The following CTNNA3 variants were observed in gnomAD, a reference collection of about 807,000 sequenced individuals.
CTNNA3 encodes the protein catenin alpha-3.
A neutral mutation model predicts 95.7 loss-of-function variants in CTNNA3; 76 were observed. The ratio of observed to expected loss-of-function variants is 0.79; its 90% CI spans 0.66 to 0.96. The LOEUF (loss-of-function observed/expected upper bound fraction) is 0.96. Ranked by LOEUF, CTNNA3 falls within the 40% of genes least tolerant of loss-of-function variation. The pLI is 0.00. For missense variants in CTNNA3, 1,191 were observed against 1,089.8 expected (o/e 1.09, Z -1.31); for synonymous variants, 431 against 374.4 (o/e 1.15, Z -1.74).
chr10:66,221,918 T>C (rs1271503037), intron 13 of CTNNA3, among the ~76,000 whole-genome samples: 10 of 152,182 alleles, frequency 6.6e-5, no homozygotes, highest in South Asian at 4.1e-4. Context: ...TTGAGTTGCA[T>C]TTTGGGATTT....
chr10:66,050,562 G>C (rs2079928960), intron 15 of CTNNA3, among the ~76,000 whole-genome samples: 1 of 152,006 alleles, frequency 6.6e-6, no homozygotes, highest in Non-Finnish European at 1.5e-5. Context: ...CTCTTCACTA[G>C]CTGGGACGAC....
At chr10:67,700,683 G>A (rs893269625), upstream of CTNNA3, among the ~76,000 whole-genome samples, 7 of 152,134 alleles carry the variant, frequency 4.6e-5, no homozygotes, top group Non-Finnish European at 8.8e-5. Context: ...GGAAAAAACA[G>A]AGCAGAAAAA....
chr10:66,356,805 T>C (rs2092614546), intron 12 of CTNNA3, among the ~76,000 whole-genome samples: 1 of 152,086 alleles, frequency 6.6e-6, no homozygotes, highest in African/African-American at 2.4e-5. Flanking sequence ...GTATAGAGAA[T>C]TTTTATTATG....
At chr10:66,822,653 G>A (rs1401914008) in intron 7 of CTNNA3, among the ~76,000 whole-genome samples, 1 of 152,136 alleles carries the variant, frequency 6.6e-6, no homozygotes, top group South Asian at 2.1e-4. Flanking sequence ...ACTATTATCA[G>A]TCTTCACTAT....
At chr10:66,486,378 A>T (rs1285230074) in intron 11 of CTNNA3, among the ~76,000 whole-genome samples, 1 of 152,138 alleles carries the variant, frequency 6.6e-6, no homozygotes, top group Admixed American at 6.5e-5. Flanking sequence ...ACAATTTTTA[A>T]AATGTACAAA....
At chr10:67,692,735 A>AT (rs1266690939) in intron 1 of CTNNA3, among the ~76,000 whole-genome samples, 26 of 134,518 alleles carry the variant, frequency 1.9e-4, no homozygotes, top group African/African-American at 6.0e-4. Context: ...AGAATGATCA[A>AT]TAAAAAAAAA....
At chr10:66,354,802 T>C (rs1003548815) in intron 12 of CTNNA3, among the ~76,000 whole-genome samples, 6 of 152,046 alleles carry the variant, frequency 3.9e-5, no homozygotes, top group Admixed American at 1.3e-4. Context: ...GAATACATAC[T>C]TTGTACATCA....
At chr10:66,722,975 T>C (rs1848675258) in intron 9 of CTNNA3, among the ~76,000 whole-genome samples, 1 of 152,120 alleles carries the variant, frequency 6.6e-6, no homozygotes, top group Non-Finnish European at 1.5e-5. Context: ...CCTTTTCTGC[T>C]CTATCATTCA....
chr10:66,512,798 CT>C (rs750701832), intron 11 of CTNNA3, among the ~76,000 whole-genome samples: 1 of 151,760 alleles, frequency 6.6e-6, no homozygotes, highest in Non-Finnish European at 1.5e-5. Flanking sequence ...AAAGTTTTTT[CT>C]TTTTTTTATT....
intron 5 of CTNNA3, among the ~76,000 whole-genome samples, chr10:67,397,646 C>T (rs1205513571): frequency 6.6e-6 from 1 of 152,216 alleles, no homozygotes; most frequent in Non-Finnish European, 1.5e-5. Flanking sequence ...AAGACAATGG[C>T]TAAAATGTCT....
chr10:66,745,172 T>C (rs983209994), intron 9 of CTNNA3, among the ~76,000 whole-genome samples: 1 of 152,206 alleles, frequency 6.6e-6, no homozygotes, highest in African/African-American at 2.4e-5. Context: ...CTCTTTACAC[T>C]GCATCATGTT....
intron 15 of CTNNA3, among the ~76,000 whole-genome samples, chr10:66,002,392 A>T (rs1305221991): frequency 6.6e-6 from 1 of 152,190 alleles, no homozygotes; most frequent in Non-Finnish European, 1.5e-5. Context: ...TATCCTGAAG[A>T]ACTTTTGGGA....
intron 15 of CTNNA3, among the ~76,000 whole-genome samples, chr10:66,055,490 C>T (rs2080062808): frequency 6.6e-6 from 1 of 151,896 alleles, no homozygotes; most frequent in Non-Finnish European, 1.5e-5. Flanking sequence ...AATGGGATTA[C>T]TTTCTTGGTT....
intron 5 of CTNNA3, among the ~76,000 whole-genome samples, chr10:67,263,779 T>C (rs1452745049): frequency 1.3e-5 from 2 of 152,130 alleles, no homozygotes; most frequent in Non-Finnish European, 2.9e-5. Context: ...GGACCAAGGG[T>C]AATGAGAATT....
intron 12 of CTNNA3, among the ~76,000 whole-genome samples, chr10:66,322,299 A>G (rs1431091732): frequency 2.0e-5 from 3 of 152,150 alleles, no homozygotes. Context: ...GCACTGGAAA[A>G]CAGACACTAA....
chr10:67,165,465 C>T (rs1861726059), intron 7 of CTNNA3, among the ~76,000 whole-genome samples: 1 of 152,042 alleles, frequency 6.6e-6, no homozygotes, highest in East Asian at 1.9e-4. Context: ...TTGGTGATTA[C>T]ACAAACCCAT....
chr10:66,536,306 A>C (rs1273643988), intron 10 of CTNNA3, among the ~76,000 whole-genome samples: 1 of 151,914 alleles, frequency 6.6e-6, no homozygotes, highest in Admixed American at 6.6e-5. Flanking sequence ...ACATGGCGAA[A>C]CTCCATCTAT....
At chr10:66,686,226 G>T (rs997984087) in intron 9 of CTNNA3, among the ~76,000 whole-genome samples, 4 of 152,100 alleles carry the variant, frequency 2.6e-5, no homozygotes, top group East Asian at 1.9e-4. Context: ...AATTCTTGAG[G>T]TATATGTAGT....
chr10:66,206,331 C>T (rs2087752774), intron 13 of CTNNA3, among the ~76,000 whole-genome samples: 1 of 151,868 alleles, frequency 6.6e-6, no homozygotes, highest in African/African-American at 2.4e-5. Flanking sequence ...TCAAAGACTG[C>T]CTTATCAGAG....
Sources: gnomAD v4.1 joint callset for allele counts (sites outside exome capture counted in the v4.1 genomes callset) on GRCh38, gnomAD v4.1.1 for gene constraint, MANE v1.5 for transcripts, NCBI Gene and HGNC (gene_info 2026-07-23, HGNC 2026-07-21) for gene names.